TNFRSF1B: variants seen among roughly 807,000 people sequenced by gnomAD.
The protein encoded by TNFRSF1B is TNF receptor superfamily member 1B.
Under a neutral mutation model 44.6 loss-of-function variants are expected in TNFRSF1B, and 19 were observed. That is an observed-to-expected ratio of 0.43 (90% confidence interval 0.30 to 0.62). TNFRSF1B has a LOEUF of 0.62. Among genes scored for constraint, TNFRSF1B ranks in the 20% least tolerant of loss-of-function variants. The pLI is 0.16. For missense variants in TNFRSF1B, 541 were observed against 619.9 expected, an observed-to-expected ratio of 0.87 and a Z score of 1.35; for synonymous variants, 252 against 261.1, an observed-to-expected ratio of 0.97 and a Z score of 0.34.
rs1486269193 is a variant in TNFRSF1B, at chr1:12,169,311, T to A, written c.78+2142T>A. Among the ~76,000 whole-genome samples the A allele has an allele frequency of 1.3e-5, 2 of 152,216 alleles. No homozygotes were observed. Reference sequence around the variant, plus strand: ...TAGCATCGCCATAGCTCCTGATTTCTGAACACCCACTAAACACCAGGCACT... The same window carrying A: ...TAGCATCGCCATAGCTCCTGATTTCAGAACACCCACTAAACACCAGGCACT... On this transcript the variant is annotated intron_variant, in intron 1 of 9. Transcript: ENST00000376259. This position sits in a 1 kb window ranked among gnomAD's most constrained non-coding sequence, Gnocchi z 4.5.
chr1:12,191,452 G>T (rs1429462818), intron 3 of TNFRSF1B, among the ~76,000 whole-genome samples: 1 of 151,794 alleles, frequency 6.6e-6, no homozygotes, highest in Non-Finnish European at 1.5e-5. Flanking sequence ...ACTGCGGGGA[G>T]GAGCAGGACT....
At position 12,190,966 on chromosome 1, in the gene TNFRSF1B, CA is replaced by C. The variant is rs772621575; in HGVS notation, c.192del (p.Val65SerfsTer30). On this transcript the variant is annotated frameshift_variant, in exon 3 of 10. Coordinates refer to ENST00000376259, the MANE Select transcript of TNFRSF1B (RefSeq NM_001066.3). LOFTEE classifies it high-confidence loss of function. ...CCSKCSPGQH[A>X]KVFCTKTSDT... Reference sequence around the variant, plus strand: ...GCCCTTGTTTCCTCAGGCCAACATGCAAAAGTCTTCTGTACCAAGACCTCGG... The same window carrying C: ...GCCCTTGTTTCCTCAGGCCAACATGCAAAGTCTTCTGTACCAAGACCTCGG... The C allele has an allele frequency of 6.2e-7, 1 of 1,613,954 alleles. No individual in the cohort carries two copies. The highest frequency in any genetic ancestry group is 8.5e-7 in the Non-Finnish European group (1 of 1,179,866).
Position 12,183,781 on chromosome 1 carries a change from TCTACCTACCTA to T in TNFRSF1B, c.79-5014_79-5004del, listed in dbSNP as rs1557629381. On this transcript the variant is annotated intron_variant, in intron 1 of 9. Coordinates refer to ENST00000376259, the MANE Select transcript of TNFRSF1B (RefSeq NM_001066.3). Reference sequence around the variant, plus strand: ...GCTAGCTAGCTAGCTATCTATTCTATCTACCTACCTATCTATCTATCTAGCTATCTATCTAT... The same window carrying T: ...GCTAGCTAGCTAGCTATCTATTCTATTCTATCTATCTAGCTATCTATCTAT... Among the ~76,000 whole-genome samples, 324 of 129,998 alleles carry T rather than the reference TCTACCTACCTA, an allele frequency of 2.5e-3. 10 individuals are homozygous for T. Among genetic ancestry groups the T allele is most frequent in the South Asian group, 7.9e-3 (31 of 3,936 alleles). The allele number at this position is 129,998 out of a possible 152,430, so 85.3% of individuals were successfully genotyped here. A position where few individuals can be genotyped will look rare whatever the true frequency, so the allele number is the denominator to read the frequency against.
intron 1 of TNFRSF1B, among the ~76,000 whole-genome samples, chr1:12,185,392 C>T (rs1293214284): frequency 6.6e-6 from 1 of 152,158 alleles, no homozygotes; most frequent in Non-Finnish European, 1.5e-5. Flanking sequence ...TGGGTGTTGG[C>T]TTCATGACAG....
At chr1:12,185,314 T>C (rs201115828) in intron 1 of TNFRSF1B, among the ~76,000 whole-genome samples, 2 of 136,642 alleles carry the variant, frequency 1.5e-5, no homozygotes, top group African/African-American at 2.6e-5. Flanking sequence ...CTTTTTCTTT[T>C]TCTTTCTCTT....
chr1:12,192,065 TCTGTCCAC>T (rs1322378067), intron 4 of TNFRSF1B, 142 bp downstream of exon 4: 31 of 1,167,644 alleles, frequency 2.7e-5, no homozygotes, highest in Admixed American at 4.8e-5. Flanking sequence ...TACCCATCCG[TCTGTCCAC>T]CTGTCCACCG....
At position 12,194,629 on chromosome 1, in the gene TNFRSF1B, C is replaced by G. The variant is rs775373098; in HGVS notation, c.900+11C>G. On this transcript the variant is annotated intron_variant, in intron 8 of 9. Transcript: ENST00000376259. ...AGAGAAGCCAAGGTGGTGAGTGTCTCCACTGCCCTCTCCCCCTCTTCCCCT... is the reference window on the plus strand; with the variant it reads ...AGAGAAGCCAAGGTGGTGAGTGTCTGCACTGCCCTCTCCCCCTCTTCCCCT... 6.2e-7 allele frequency: 1 copy of G among 1,613,998 alleles called. No individual in the cohort carries two copies. Among genetic ancestry groups the G allele is most frequent in the African/African-American group, 1.3e-5 (1 of 74,904 alleles).
intron 5 of TNFRSF1B, 38 bp from the exon 6 acceptor site, chr1:12,192,825 C>T: frequency 6.4e-7 from 1 of 1,564,992 alleles, no homozygotes; most frequent in Non-Finnish European, 8.7e-7. Context: ...GCCACTCTGT[C>T]CCCTGCTGCC....
chr1:12,196,838 C>CA (rs1401717791), intron 8 of TNFRSF1B, among the ~76,000 whole-genome samples: 1 of 152,248 alleles, frequency 6.6e-6, no homozygotes, highest in African/African-American at 2.4e-5. Context: ...TCTTCCGCAG[C>CA]AGCCCAGCTG....
At chr1:12,200,539 A>G (rs1219649787) in intron 8 of TNFRSF1B, among the ~76,000 whole-genome samples, 1 of 152,148 alleles carries the variant, frequency 6.6e-6, no homozygotes, top group Non-Finnish European at 1.5e-5. Context: ...TAGACAGCAC[A>G]CACCCAACTG....
Position 12,207,038 on chromosome 1 carries a change from G to C in TNFRSF1B, c.*18G>C, listed in dbSNP as rs1639520571. ...CCAGTTAACCAGGCCGGTGTGGGCT[G>C]TGTCGTAGCCAAGGTGGGCTGAGCC... On this transcript the variant is annotated 3_prime_UTR_variant, in exon 10 of 10. Transcript: ENST00000376259. 1.3e-6 allele frequency: 2 copies of C among 1,554,226 alleles called. No individual in the cohort carries two copies. The highest frequency in any genetic ancestry group is 1.7e-6 in the Non-Finnish European group (2 of 1,144,642).
chr1:12,170,293 T>C (rs539383864), intron 1 of TNFRSF1B, among the ~76,000 whole-genome samples: 1 of 152,314 alleles, frequency 6.6e-6, no homozygotes, highest in South Asian at 2.1e-4. Flanking sequence ...GGAGCTACAC[T>C]ACCAATAGGT....
chr1:12,188,920 G>A (rs371927176), intron 2 of TNFRSF1B, 25 bp downstream of exon 2: 1 of 1,604,240 alleles, frequency 6.2e-7, no homozygotes, highest in Non-Finnish European at 8.5e-7. Context: ...GGGGGCACTC[G>A]GGGCCCATGC....
At chr1:12,194,301 G>T (rs1639217537) in intron 7 of TNFRSF1B, among the ~76,000 whole-genome samples, 1 of 152,164 alleles carries the variant, frequency 6.6e-6, no homozygotes, top group African/African-American at 2.4e-5. Flanking sequence ...CCTGCAGCAG[G>T]TGGTCTCTGA....
rs991387149 is a variant in TNFRSF1B at position 12,168,303 on chromosome 1, T to C, written c.78+1134T>C. Reference sequence around the variant, plus strand: ...CACTGGCTTCTGTGGTGACATAAGGTGACTTGTTGATCTGAGGCCAGAGAG... The same window carrying C: ...CACTGGCTTCTGTGGTGACATAAGGCGACTTGTTGATCTGAGGCCAGAGAG... On this transcript the variant is annotated intron_variant, in intron 1 of 9. Transcript: ENST00000376259. This position sits in a 1 kb window ranked among gnomAD's most constrained non-coding sequence, Gnocchi z 4.7. Among the ~76,000 whole-genome samples, 12 of 152,078 alleles carry C rather than the reference T, an allele frequency of 7.9e-5. No homozygotes were observed. The highest frequency in any genetic ancestry group is 7.9e-4 in the Admixed American group (12 of 15,282).
In TNFRSF1B at chr1:12,207,032, TG is replaced by T; in HGVS notation, c.*15del. 6.4e-7 allele frequency: 1 copy of T among 1,561,482 alleles called. No individual in the cohort carries two copies. The highest frequency in any genetic ancestry group is 8.7e-7 in the Non-Finnish European group (1 of 1,148,012). On this transcript the variant is annotated 3_prime_UTR_variant, in exon 10 of 10. Transcript: ENST00000376259. Reference sequence around the variant, plus strand: ...TGAAGCCCAGTTAACCAGGCCGGTGTGGGCTGTGTCGTAGCCAAGGTGGGCT... The same window carrying T: ...TGAAGCCCAGTTAACCAGGCCGGTGTGGCTGTGTCGTAGCCAAGGTGGGCT...
At chr1:12,189,523 T>C (rs1375338330) in intron 2 of TNFRSF1B, among the ~76,000 whole-genome samples, 1 of 152,228 alleles carries the variant, frequency 6.6e-6, no homozygotes, top group Non-Finnish European at 1.5e-5. Flanking sequence ...TTGGTGGAGC[T>C]AGGTAGCCTG....
intron 8 of TNFRSF1B, among the ~76,000 whole-genome samples, chr1:12,198,659 TGCTGGCTG>T (rs138944650): frequency 9.9e-5 from 14 of 141,354 alleles, no homozygotes; most frequent in African/African-American, 1.6e-4. Flanking sequence ...GAGCTGAGGG[TGCTGGCTG>T]GCTGGCTGGC....
chr1:12,194,285 G>C (rs557988205), intron 7 of TNFRSF1B, among the ~76,000 whole-genome samples: 5 of 152,146 alleles, frequency 3.3e-5, no homozygotes, highest in Non-Finnish European at 5.9e-5. Context: ...TGGGGGATTC[G>C]GGCTTCCTGC....
Sources: allele counts gnomAD v4.1 joint callset (sites outside exome capture counted in the v4.1 genomes callset), GRCh38; gene constraint gnomAD v4.1.1; non-coding constraint Gnocchi (gnomAD v3.1); transcripts MANE v1.5; gene names NCBI Gene and HGNC (gene_info 2026-07-23, HGNC 2026-07-21).